TAPT1: variants seen among roughly 807,000 people sequenced by gnomAD.
TAPT1 encodes the protein transmembrane anterior posterior transformation 1.
TAPT1 carries 28 observed loss-of-function variants against 65.6 expected under a neutral mutation model. That is an observed-to-expected ratio of 0.43 (90% CI 0.32 to 0.59). The LOEUF (loss-of-function observed/expected upper bound fraction) is 0.59. Ranked by LOEUF, TAPT1 falls within the 20% of genes least tolerant of loss-of-function variation. The probability of loss-of-function intolerance (pLI) is 0.09; values close to 1 mark genes in which losing one functional copy is unlikely to be tolerated. For missense variants in TAPT1, 563 were observed against 679.9 expected, an observed-to-expected ratio of 0.83 and a Z score of 1.91; for synonymous variants, 278 against 245.2, an observed-to-expected ratio of 1.13 and a Z score of -1.25.
chr4:16,213,107 TTTC>T (rs1221003889), intron 2 of TAPT1, among the ~76,000 whole-genome samples: 3 of 152,256 alleles, frequency 2.0e-5, no homozygotes, highest in South Asian at 2.1e-4. Flanking sequence ...AGCTGAATTA[TTTC>T]TTCTTTTCTT....
intron 8 of TAPT1, among the ~76,000 whole-genome samples, chr4:16,178,072 G>A (rs1361803546): frequency 6.6e-6 from 1 of 152,170 alleles, no homozygotes; most frequent in African/African-American, 2.4e-5. Context: ...GGGAATTGCT[G>A]ATCTTACATG....
Position 16,174,256 on chromosome 4 carries a change from C to T in TAPT1, c.1184G>A (p.Ser395Asn). Residue 395 changes from serine to asparagine, a missense_variant, in exon 11 of 14, where the codon AGT (serine) becomes AAT (asparagine). By Grantham distance (46) the Ser-to-Asn change is conservative (BLOSUM62 1). Around this residue, in one of 5 missense-constraint regions of TAPT1, gnomAD observed 104 missense variants for 102.5 expected, o/e 1.01. Coordinates refer to ENST00000405303, the MANE Select transcript of TAPT1 (RefSeq NM_153365.3). Reference sequence around the variant, plus strand: ...GCCCATCCTCCGTGCTACAGAGTCACTGTAATCAGTGTATGCCTGAACAGA... The same window carrying T: ...GCCCATCCTCCGTGCTACAGAGTCATTGTAATCAGTGTATGCCTGAACAGA... ...SRQKNAYTDYSDSVARRMGFI... is the reference protein window; with the variant it reads ...SRQKNAYTDYNDSVARRMGFI... The T allele has an allele frequency of 6.2e-7, 1 of 1,607,638 alleles. No homozygotes were observed. The highest frequency in any genetic ancestry group is 8.5e-7 in the Non-Finnish European group (1 of 1,176,944).
intron 1 of TAPT1, among the ~76,000 whole-genome samples, chr4:16,222,100 G>GAGAAT (rs749571812): frequency 1.3e-5 from 2 of 152,190 alleles, no homozygotes; most frequent in Admixed American, 6.5e-5. Context: ...GATTACAAAT[G>GAGAAT]AGAATAGAAT....
In TAPT1 at chr4:16,176,121, C is replaced by A; in HGVS notation, c.1105G>T (p.Asp369Tyr). Residue 369 changes from aspartate to tyrosine, a missense_variant and splice_region_variant, in exon 9 of 14, where the codon GAT (aspartate) becomes TAT (tyrosine). By Grantham distance (160) the Asp-to-Tyr change is radical (BLOSUM62 -3). Transcript: ENST00000405303. ...FITKFNDITA[D>Y]VYSEYRASLA... ...GAAGTGCATATCAAAATACATACAT[C>A]TGCAGTAATGTCATTGAATTTAGTA... The A allele has an allele frequency of 6.9e-7, 1 of 1,455,360 alleles. No individual in the cohort carries two copies. The highest frequency in any genetic ancestry group is 9.3e-7 in the Non-Finnish European group (1 of 1,070,028). 90.2% of individuals were successfully genotyped at this position (1,455,360 alleles called of 1,614,324 possible).
At chr4:16,206,504 A>G (rs1323994779) in intron 2 of TAPT1, among the ~76,000 whole-genome samples, 1 of 151,954 alleles carries the variant, frequency 6.6e-6, no homozygotes, top group African/African-American at 2.4e-5. Context: ...GAGTGCCCTC[A>G]GGGTCCCAGG....
chr4:16,189,067 T>A (rs956913144), intron 4 of TAPT1, among the ~76,000 whole-genome samples: 4 of 152,200 alleles, frequency 2.6e-5, no homozygotes, highest in Non-Finnish European at 5.9e-5. Flanking sequence ...GGTAACTATT[T>A]TTTTGAGGTT....
Position 16,226,275 on chromosome 4 carries a change from C to T in TAPT1, c.183G>A (p.Arg61=), listed in dbSNP as rs1440911499. 2 of 1,125,544 alleles carry T rather than the reference C, an allele frequency of 1.8e-6. No individual in the cohort carries two copies. Among genetic ancestry groups the T allele is most frequent in the Non-Finnish European group, 1.1e-6 (1 of 920,592 alleles). 69.7% of individuals were successfully genotyped at this position (1,125,544 alleles called of 1,614,324 possible). ...GFYESDRRRE[R]RRGRTELSLL... is the part of the protein sequence containing the mutation. ...CCGCCTCACCTGTGCGGCCCCGGCG[C>T]CTCTCCCGCCGCCGGTCGCTCTCGT... Residue 61 remains arginine (R), a synonymous_variant, in exon 1 of 14, where the codon AGG becomes AGA. Coordinates refer to ENST00000405303, the MANE Select transcript of TAPT1 (RefSeq NM_153365.3).
chr4:16,220,532 C>G, intron 1 of TAPT1, among the ~76,000 whole-genome samples: 1 of 151,956 alleles, frequency 6.6e-6, no homozygotes, highest in East Asian at 1.9e-4. Context: ...GGGTGGATCC[C>G]AATGTCAAGA....
chr4:16,215,504 C>A (rs944602742), intron 1 of TAPT1, among the ~76,000 whole-genome samples: 3 of 152,134 alleles, frequency 2.0e-5, no homozygotes, highest in Non-Finnish European at 4.4e-5. Flanking sequence ...CATACACATA[C>A]ACACTTCTTT....
At chr4:16,174,861 G>C in intron 9 of TAPT1, 132 bp from the exon 10 acceptor site, 1 of 583,396 alleles carries the variant, frequency 1.7e-6, no homozygotes, top group East Asian at 3.3e-5. Context: ...TGACATCTGG[G>C]CATAATTTCT....
chr4:16,215,495 A>ACATG (rs1184024821), intron 1 of TAPT1, among the ~76,000 whole-genome samples: 2 of 152,126 alleles, frequency 1.3e-5, no homozygotes, highest in Non-Finnish European at 2.9e-5. Context: ...ATGTACACAC[A>ACATG]TACACATACA....
chr4:16,179,983 A>G (rs1391725760), intron 7 of TAPT1, among the ~76,000 whole-genome samples: 1 of 152,336 alleles, frequency 6.6e-6, no homozygotes, highest in African/African-American at 2.4e-5. Context: ...CTTTGGGGAC[A>G]TATGACAACT....
chr4:16,166,713 T>A lies in TAPT1; in HGVS notation c.1394A>T (p.Glu465Val). ...CQYVKEAKMEEKLSNPPATCT... is the reference protein window; with the variant it reads ...CQYVKEAKMEVKLSNPPATCT... ...GGTTGCGGGAGGATTCGACAGCTTC[T>A]CTTCCATTTTGGCTTCCTTCACATA... Residue 465 changes from glutamate (E) to valine (V), a missense_variant, in exon 13 of 14, where the codon GAG (glutamate) becomes GTG (valine). Coordinates refer to ENST00000405303, the MANE Select transcript of TAPT1 (RefSeq NM_153365.3). The A allele has an allele frequency of 6.2e-7, 1 of 1,613,988 alleles. No homozygotes were observed. Among genetic ancestry groups the A allele is most frequent in the Non-Finnish European group, 8.5e-7 (1 of 1,179,886 alleles).
At chr4:16,177,303 C>A (rs1748394444) in intron 8 of TAPT1, among the ~76,000 whole-genome samples, 1 of 152,046 alleles carries the variant, frequency 6.6e-6, no homozygotes, top group East Asian at 1.9e-4. Flanking sequence ...CAATTCAGTA[C>A]CAGGTACCTG....
chr4:16,184,221 A>T (rs1161807287), intron 7 of TAPT1, among the ~76,000 whole-genome samples: 1 of 150,834 alleles, frequency 6.6e-6, no homozygotes, highest in Admixed American at 6.6e-5. Flanking sequence ...CTATCATCAT[A>T]AACGAATTTT....
At chr4:16,171,161 T>C (rs555721008) in intron 11 of TAPT1, among the ~76,000 whole-genome samples, 5 of 152,354 alleles carry the variant, frequency 3.3e-5, no homozygotes, top group East Asian at 3.9e-4. Flanking sequence ...TGTTTCCTTA[T>C]TCCTGCTTTT....
Position 16,163,456 on chromosome 4 carries a change from A to C in TAPT1, c.1556T>G (p.Val519Gly), listed in dbSNP as rs1219700041. 6.2e-7 allele frequency: 1 copy of C among 1,613,990 alleles called. No homozygotes were observed. Among genetic ancestry groups the C allele is most frequent in the Non-Finnish European group, 8.5e-7 (1 of 1,179,882 alleles). Residue 519 changes from valine (V) to glycine (G), a missense_variant, in exon 14 of 14, where the codon GTG (valine) becomes GGG (glycine). Physicochemically the swap from Val to Gly is moderately radical, Grantham distance 109. Coordinates refer to ENST00000405303, the MANE Select transcript of TAPT1 (RefSeq NM_153365.3). Reference protein sequence around the residue: ...HQKENIIPLLVTSNSDQFLTT... With the variant: ...HQKENIIPLLGTSNSDQFLTT... ...CAAAAACTGATCAGAATTGCTTGTC[A>C]CAAGTAATGGTATGATATTTTCCTT...
intron 1 of TAPT1, among the ~76,000 whole-genome samples, chr4:16,216,639 C>G (rs887596066): frequency 6.6e-6 from 1 of 152,180 alleles, no homozygotes; most frequent in African/African-American, 2.4e-5. Context: ...TCTTGACAAT[C>G]CCCTCTCTCT....
chr4:16,166,989 C>CTTTTT, intron 12 of TAPT1, 196 bp from the exon 13 acceptor site: 2 of 292,806 alleles, frequency 6.8e-6, no homozygotes, highest in Non-Finnish European at 1.2e-5. Flanking sequence ...TTCCTTAGTT[C>CTTTTT]TCTTTTTTTT....
Sources: allele counts gnomAD v4.1 joint callset (sites outside exome capture counted in the v4.1 genomes callset), GRCh38; gene constraint gnomAD v4.1.1; regional missense constraint gnomAD v4.1.1; transcripts MANE v1.5; gene names NCBI Gene and HGNC (gene_info 2026-07-23, HGNC 2026-07-21).